Variants in NUP35 observed in about 807,000 individuals in gnomAD.
The protein encoded by NUP35 is nucleoporin NUP35.
In NUP35, 25 loss-of-function variants were observed where a neutral mutation model predicts 41.5. The ratio of observed to expected loss-of-function variants is 0.60; its 90% CI spans 0.44 to 0.84. NUP35 has a LOEUF of 0.84. NUP35 is among the 40% of genes least tolerant of loss of function. The probability of loss-of-function intolerance (pLI) is 0.00; values close to 1 mark genes in which losing one functional copy is unlikely to be tolerated. For missense variants in NUP35, 396 were observed against 396.6 expected, an observed-to-expected ratio of 1.00 and a Z score of 0.01; for synonymous variants, 149 against 130.7, an observed-to-expected ratio of 1.14 and a Z score of -0.96.
At chr2:183,143,295 C>T (rs552876069) in intron 4 of NUP35, among the ~76,000 whole-genome samples, 105 of 145,870 alleles carry the variant, frequency 7.2e-4, no homozygotes, top group African/African-American at 2.6e-3. Flanking sequence ...TTTTTTTTTA[C>T]CCCTCTATCA....
At chr2:183,144,869 G>A (rs968433148) in intron 4 of NUP35, among the ~76,000 whole-genome samples, 22 of 152,118 alleles carry the variant, frequency 1.4e-4, no homozygotes, top group African/African-American at 4.6e-4. Context: ...GTAGTTGACA[G>A]GGCAAAAATT....
At chr2:183,117,992 T>TG (rs1700011333) in intron 1 of NUP35, among the ~76,000 whole-genome samples, 1 of 152,200 alleles carries the variant, frequency 6.6e-6, no homozygotes, top group Admixed American at 6.5e-5. Context: ...CACCTGGAGT[T>TG]GCGATACTTG....
intron 4 of NUP35, among the ~76,000 whole-genome samples, chr2:183,137,739 G>A (rs2368372): frequency 0.034 from 5,171 of 151,702 alleles, 118 homozygotes; most frequent in Middle Eastern, 0.092. Flanking sequence ...GCTGTAGGCA[G>A]CTATGATTGC....
At chr2:183,119,777 T>C (rs1208480829), upstream of NUP35, among the ~76,000 whole-genome samples, 1 of 152,034 alleles carries the variant, frequency 6.6e-6, no homozygotes, top group Non-Finnish European at 1.5e-5. Context: ...ATGGAACTCC[T>C]GGGGTCAAGT....
rs1417445900 is a variant in NUP35, at chr2:183,128,361, T to C, written c.115T>C (p.Leu39=). The C allele has an allele frequency of 3.1e-6, 5 of 1,614,008 alleles. No individual in the cohort carries two copies. In the African/African-American group the frequency reaches 6.7e-5, roughly 22 times the overall value. ...GVNAQFLPGF[L]MGDLPAPVTP... is the part of the protein sequence containing the mutation. ...TAATGCCCAGTTCTTACCTGGATTTTTAATGGGGGATTTGCCAGCTCCGGT... is the reference window on the plus strand; with the variant it reads ...TAATGCCCAGTTCTTACCTGGATTTCTAATGGGGGATTTGCCAGCTCCGGT... The change falls in exon 2 of 9, where the codon TTA becomes CTA. Residue 39 remains leucine, a synonymous_variant. Coordinates refer to ENST00000295119, the MANE Select transcript of NUP35 (RefSeq NM_138285.5).
At chr2:183,137,396 A>G (rs757144022) in intron 4 of NUP35, among the ~76,000 whole-genome samples, 11 of 152,142 alleles carry the variant, frequency 7.2e-5, no homozygotes, top group Non-Finnish European at 1.5e-4. Context: ...CCTGGGCAAC[A>G]TAGTGAGATG....
rs758528340 is a variant in NUP35, at chr2:183,133,631, ATTCT to A, written c.397+15_397+18del. On this transcript the variant is annotated intron_variant, in intron 4 of 8. Coordinates refer to ENST00000295119, the MANE Select transcript of NUP35 (RefSeq NM_138285.5). ...CATCTACTCCTGGAACAGGTAAGTG[ATTCT>A]TTCTTTTTTTTTTTTTTTTTAAAAG... The A allele has an allele frequency of 1.8e-5, 27 of 1,469,770 alleles. No individual in the cohort carries two copies. Among genetic ancestry groups the A allele is most frequent in the South Asian group, 2.5e-5 (2 of 79,306 alleles). The allele number at this position is 1,469,770 out of a possible 1,614,324, so 91.0% of individuals were successfully genotyped here. A position where few individuals can be genotyped will look rare whatever the true frequency, so the allele number is the denominator to read the frequency against.
intron 3 of NUP35, 38 bp downstream of exon 3, chr2:183,130,583 T>A: frequency 6.3e-7 from 1 of 1,599,026 alleles, no homozygotes; most frequent in Non-Finnish European, 8.5e-7. Flanking sequence ...ATGAACAACA[T>A]CATGGTTTTA....
chr2:183,131,017 A>G (rs1277190021), intron 3 of NUP35: 1 of 745,856 alleles, frequency 1.3e-6, no homozygotes, highest in African/African-American at 1.8e-5. Context: ...GGTCCTGATC[A>G]GTTGCCCAGG....
At chr2:183,128,791 T>A (rs184883585) in intron 2 of NUP35, among the ~76,000 whole-genome samples, 1 of 152,208 alleles carries the variant, frequency 6.6e-6, no homozygotes, top group East Asian at 1.9e-4. Flanking sequence ...TTAAAAAAAA[T>A]TAAGCAATGT....
chr2:183,157,597 G>A (rs951198269), intron 6 of NUP35, 84 bp downstream of exon 6: 7 of 975,118 alleles, frequency 7.2e-6, no homozygotes, highest in Non-Finnish European at 1.1e-5. Context: ...TGAATTTTGT[G>A]GGTTTTTTTT....
intron 4 of NUP35, among the ~76,000 whole-genome samples, chr2:183,145,678 G>A (rs897077875): frequency 2.0e-5 from 3 of 152,030 alleles, no homozygotes; most frequent in African/African-American, 7.2e-5. Context: ...ACAAGACTTA[G>A]GTGTTACTCC....
intron 4 of NUP35, among the ~76,000 whole-genome samples, chr2:183,147,176 T>C (rs1685308945): frequency 6.6e-6 from 1 of 152,208 alleles, no homozygotes; most frequent in Admixed American, 6.5e-5. Context: ...TTTGATAGTT[T>C]CTTTTGTGTG....
chr2:183,160,317 A>C (rs572672095), intron 8 of NUP35: 3 of 152,198 alleles, frequency 2.0e-5, no homozygotes, highest in African/African-American at 7.2e-5. Flanking sequence ...TTATTCTAGA[A>C]CTGTTTTTTT....
At chr2:183,134,305 A>T (rs1044824732) in intron 4 of NUP35, among the ~76,000 whole-genome samples, 1 of 152,156 alleles carries the variant, frequency 6.6e-6, no homozygotes, top group Non-Finnish European at 1.5e-5. Flanking sequence ...ACTTACATTT[A>T]TTTGCAGAAT....
chr2:183,158,468 A>G, intron 7 of NUP35, 57 bp downstream of exon 7: 2 of 1,451,560 alleles, frequency 1.4e-6, no homozygotes, highest in South Asian at 1.5e-5. Flanking sequence ...GCACAAGACC[A>G]AGGATTGAAA....
intron 5 of NUP35, among the ~76,000 whole-genome samples, chr2:183,153,679 G>A (rs1190534451): frequency 6.6e-6 from 1 of 152,114 alleles, no homozygotes; most frequent in African/African-American, 2.4e-5. Flanking sequence ...CCTCCCTCCT[G>A]GCTGTTTTCC....
At chr2:183,125,426 T>C (rs1684426114) in intron 1 of NUP35, among the ~76,000 whole-genome samples, 1 of 149,564 alleles carries the variant, frequency 6.7e-6, no homozygotes, top group Admixed American at 6.6e-5. Flanking sequence ...ATATATATGG[T>C]GTGGAAAGAG....
Position 183,135,273 on chromosome 2 carries a change from G to A in NUP35, c.397+1650G>A, listed in dbSNP as rs528182120. Among the ~76,000 whole-genome samples the A allele has an allele frequency of 1.4e-4, 21 of 152,214 alleles. 1 individual carries two copies. In the South Asian group the frequency reaches 4.4e-3, roughly 32 times the overall value. ...ATTCCACCTACCACTGATAGTTAGGGGGCAAGTAAACTTTACTCAAAAGTC... is the reference window on the plus strand; with the variant it reads ...ATTCCACCTACCACTGATAGTTAGGAGGCAAGTAAACTTTACTCAAAAGTC... On this transcript the variant is annotated intron_variant, in intron 4 of 8. Coordinates refer to ENST00000295119, the MANE Select transcript of NUP35 (RefSeq NM_138285.5).
Sources: allele counts gnomAD v4.1 joint callset (sites outside exome capture counted in the v4.1 genomes callset), GRCh38; gene constraint gnomAD v4.1.1; transcripts MANE v1.5; gene names NCBI Gene and HGNC (gene_info 2026-07-23, HGNC 2026-07-21).